IQGAP3: variants seen among roughly 807,000 people sequenced by gnomAD.
IQGAP3 encodes the protein IQ motif containing GTPase activating protein 3.
Under a neutral mutation model 208.2 loss-of-function variants are expected in IQGAP3, and 165 were observed. The observed-to-expected ratio is 0.79, with a 90% CI of 0.70 to 0.90. The LOEUF is 0.90. Ranked by LOEUF, IQGAP3 falls within the 40% of genes least tolerant of loss-of-function variation. The pLI, the probability that IQGAP3 is intolerant of heterozygous loss-of-function variation, is 0.00. For missense variants in IQGAP3, 1,811 were observed against 2,043.1 expected (o/e 0.89, Z 2.19); for synonymous variants, 703 against 803.6 (o/e 0.87, Z 2.12).
At chr1:156,553,393 G>C (rs1341240653) in intron 13 of IQGAP3, among the ~76,000 whole-genome samples, 1 of 151,942 alleles carries the variant, frequency 6.6e-6, no homozygotes, top group East Asian at 1.9e-4. Context: ...CTTTCTTAAG[G>C]CCTCTGCCCC....
rs115507563 is a variant in IQGAP3, at chr1:156,562,868, C to A, written c.799-203G>T. Among the ~76,000 whole-genome samples the A allele has an allele frequency of 4.1e-3, 629 of 152,344 alleles. 4 individuals carry two copies. The highest frequency in any genetic ancestry group is 0.015 in the African/African-American group (614 of 41,580). On this transcript the variant is annotated intron_variant, in intron 8 of 37. Transcript: ENST00000361170. The stretch of plus-strand genomic sequence containing the variant: ...CAAACCAACCTTTGGAACCTCCAGT[C>A]CAATCTCATTCTGTTCTACATTCCA...
Position 156,563,296 on chromosome 1 carries a change from A to G in IQGAP3, c.636T>C (p.Leu212=). ...VDEAAVHAAV[L]AINEAVERGV... is the part of the protein sequence containing the mutation. ...CTCGCTCCACTGCTTCATTGATGGCAAGAACAGCTGCATGGACTGGGAGAG... is the reference window on the plus strand; with the variant it reads ...CTCGCTCCACTGCTTCATTGATGGCGAGAACAGCTGCATGGACTGGGAGAG... Residue 212 remains leucine, a synonymous_variant, in exon 8 of 38, where the codon CTT becomes CTC. Coordinates refer to ENST00000361170, the MANE Select transcript of IQGAP3 (RefSeq NM_178229.5). 1 of 1,603,426 alleles carries G rather than the reference A, an allele frequency of 6.2e-7. No homozygotes were observed. The highest frequency in any genetic ancestry group is 8.5e-7 in the Non-Finnish European group (1 of 1,172,516).
intron 11 of IQGAP3, 122 bp downstream of exon 11, chr1:156,560,812 T>C (rs1571357514): frequency 1.5e-6 from 1 of 659,360 alleles, no homozygotes. Flanking sequence ...GAGAAGTTCC[T>C]AGCCAGGCTG....
intron 26 of IQGAP3, among the ~76,000 whole-genome samples, chr1:156,538,058 A>G (rs1164857900): frequency 9.3e-5 from 14 of 151,260 alleles, no homozygotes; most frequent in Admixed American, 9.2e-4. Context: ...CACCCGGCGA[A>G]TTTTTGTATT....
Position 156,544,008 on chromosome 1 carries a change from T to C in IQGAP3, c.2503A>G (p.Lys835Glu). 1.9e-6 allele frequency: 3 copies of C among 1,614,172 alleles called. No homozygotes were observed. Among genetic ancestry groups the C allele is most frequent in the South Asian group, 1.1e-5 (1 of 91,088 alleles). Reference sequence around the variant, plus strand: ...AATATCCTGTAGTCATCTTGGGCTTTCCTGGCTCGGAAAAATGCCTGGATC... The same window carrying C: ...AATATCCTGTAGTCATCTTGGGCTTCCCTGGCTCGGAAAAATGCCTGGATC... ...VKIQAFFRARKAQDDYRILVH... is the reference protein window; with the variant it reads ...VKIQAFFRAREAQDDYRILVH... The change falls in exon 22 of 38, where the codon AAA becomes GAA. Residue 835 changes from lysine to glutamate, a missense_variant. Coordinates refer to ENST00000361170, the MANE Select transcript of IQGAP3 (RefSeq NM_178229.5).
At chr1:156,537,159 G>C (rs1674725498) in intron 27 of IQGAP3, 22 bp downstream of exon 27, 1 of 1,607,946 alleles carries the variant, frequency 6.2e-7, no homozygotes, top group South Asian at 1.1e-5. Context: ...TGCGTAGGCT[G>C]GGGTGGGGCT....
At chr1:156,541,951 A>G (rs1300906814) in intron 22 of IQGAP3, among the ~76,000 whole-genome samples, 5 of 152,158 alleles carry the variant, frequency 3.3e-5, no homozygotes, top group Non-Finnish European at 7.3e-5. Context: ...GAATGTGGGG[A>G]GTGCTGGAAG....
intron 22 of IQGAP3, 103 bp from the exon 23 acceptor site, chr1:156,541,019 G>T: frequency 6.7e-6 from 6 of 891,732 alleles, no homozygotes; most frequent in Non-Finnish European, 9.0e-6. Context: ...TTCTGCTTGG[G>T]ATCAGCAGGT....
chr1:156,532,725 T>C (rs900227448), intron 32 of IQGAP3, among the ~76,000 whole-genome samples: 6 of 151,976 alleles, frequency 3.9e-5, no homozygotes, highest in Admixed American at 2.0e-4. Context: ...CAGCACGATA[T>C]GCAAACACCT....
chr1:156,544,952 G>A (rs1051799817), intron 19 of IQGAP3, among the ~76,000 whole-genome samples: 6 of 152,156 alleles, frequency 3.9e-5, no homozygotes, highest in Non-Finnish European at 7.3e-5. Flanking sequence ...CAGTTGTGTG[G>A]ATGAGAAGTG....
intron 8 of IQGAP3, 131 bp downstream of exon 8, chr1:156,563,003 A>G: frequency 1.3e-6 from 1 of 771,662 alleles, no homozygotes; most frequent in South Asian, 1.8e-5. Context: ...CTCTAAAATC[A>G]CTGATAAATT....
At chr1:156,566,573 G>A (rs371794924) in intron 2 of IQGAP3, 27 bp from the exon 3 acceptor site, 7 of 1,609,516 alleles carry the variant, frequency 4.3e-6, no homozygotes, top group African/African-American at 2.7e-5. Flanking sequence ...ACCTTCTCAC[G>A]CACTCTGGCA....
At position 156,540,942 on chromosome 1, in the gene IQGAP3, G is replaced by C. The variant is rs761035288; in HGVS notation, c.2531-26C>G. On this transcript the variant is annotated intron_variant, in intron 22 of 37. Transcript: ENST00000361170. ...CTGGGAGGAAGGGAGGAGGCATCAG[G>C]ATTAGCCATGCCTCATCAGAGGCCT... is the stretch of plus-strand genomic sequence containing the variant. 23 of 1,587,430 alleles carry C rather than the reference G, an allele frequency of 1.4e-5. No homozygotes were observed. In the Admixed American group the frequency reaches 2.5e-4, roughly 17 times the overall value.
At chr1:156,527,894 C>T in intron 37 of IQGAP3, 58 bp downstream of exon 37, 2 of 1,209,656 alleles carry the variant, frequency 1.7e-6, no homozygotes, top group South Asian at 1.2e-5. Flanking sequence ...CTGCTCTCTT[C>T]AGGCCAGCAC....
At chr1:156,542,770 A>C (rs1007620255) in intron 22 of IQGAP3, among the ~76,000 whole-genome samples, 1 of 152,060 alleles carries the variant, frequency 6.6e-6, no homozygotes, top group Non-Finnish European at 1.5e-5. Flanking sequence ...GGAGACCCCC[A>C]TCTCTACAAA....
chr1:156,545,724 C>A (rs1423495634), intron 19 of IQGAP3, among the ~76,000 whole-genome samples: 1 of 152,040 alleles, frequency 6.6e-6, no homozygotes, highest in South Asian at 2.1e-4. Context: ...GTCTTGAACT[C>A]CTCGGCTCAA....
chr1:156,569,456 G>T lies in IQGAP3; in HGVS notation c.45C>A (p.Arg15=). 6.2e-7 allele frequency: 1 copy of T among 1,609,032 alleles called. No homozygotes were observed. The highest frequency in any genetic ancestry group is 8.5e-7 in the Non-Finnish European group (1 of 1,177,032). ...AAGPGWAAYE[R]LTAEEMDEQR... ...GCTCATCCATCTCCTCAGCTGTGAGGCGTTCATCTGAGGAGTTAAACGGGA... is the reference window on the plus strand; with the variant it reads ...GCTCATCCATCTCCTCAGCTGTGAGTCGTTCATCTGAGGAGTTAAACGGGA... Residue 15 remains arginine, a synonymous_variant, in exon 2 of 38, where the codon CGC becomes CGA. Coordinates refer to ENST00000361170, the MANE Select transcript of IQGAP3 (RefSeq NM_178229.5).
Position 156,534,131 on chromosome 1 carries a change from G to A in IQGAP3, c.3751C>T (p.His1251Tyr). 1 of 1,613,730 alleles carries A rather than the reference G, an allele frequency of 6.2e-7. No individual in the cohort carries two copies. The highest frequency in any genetic ancestry group is 8.5e-7 in the Non-Finnish European group (1 of 1,180,030). ...GGCTCTGGCACCTGGCAGGCTCTAT[G>A]GATGAACTTCCTGTCCAGAGGGCGG... is the stretch of plus-strand genomic sequence containing the variant. ...ETHLKFRKFI[H>Y]RACQVPEPEE... The change falls in exon 30 of 38, where the codon CAT becomes TAT. Residue 1251 changes from histidine to tyrosine, a missense_variant. Transcript: ENST00000361170.
At position 156,530,230 on chromosome 1, in the gene IQGAP3, C is replaced by T; in HGVS notation, c.4279G>A (p.Ala1427Thr). 6.2e-7 allele frequency: 1 copy of T among 1,613,066 alleles called. No homozygotes were observed. The change falls in exon 34 of 38, where the codon GCT (alanine) becomes ACT (threonine). Residue 1427 changes from alanine to threonine, a missense_variant. Ala to Thr is a moderately conservative substitution (Grantham distance 58, BLOSUM62 0). Coordinates refer to ENST00000361170, the MANE Select transcript of IQGAP3 (RefSeq NM_178229.5). ...EPLRRHRSLTAHSLLPLAEKQ... is the reference protein window; with the variant it reads ...EPLRRHRSLTTHSLLPLAEKQ... ...TCTGCCAGTGGCAGGAGGGAGTGAG[C>T]TGTCAGTGAGCGGTGTCGTCGCAGT... is the stretch of plus-strand genomic sequence containing the variant.
Sources: gnomAD v4.1 joint callset for allele counts (sites outside exome capture counted in the v4.1 genomes callset) on GRCh38, gnomAD v4.1.1 for gene constraint, MANE v1.5 for transcripts, NCBI Gene and HGNC (gene_info 2026-07-23, HGNC 2026-07-21) for gene names.